Variants in MLLT6 observed in about 807,000 individuals in gnomAD.
MLLT6 encodes the protein MLLT6, PHD finger containing.
In MLLT6, 22 loss-of-function variants were observed where a neutral mutation model predicts 103.0. The observed-to-expected ratio is 0.21, with a 90% CI of 0.15 to 0.31. The LOEUF (loss-of-function observed/expected upper bound fraction) is 0.31. Among genes scored for constraint, MLLT6 ranks in the 10% least tolerant of loss-of-function variants. The pLI is 1.00. For synonymous variants in MLLT6, 606 were observed against 623.5 expected (o/e 0.97, Z 0.42); for missense variants, 1,199 against 1,441.7 (o/e 0.83, Z 2.73).
chr17:38,713,484 C>T (rs995972312), intron 8 of MLLT6: 4 of 180,714 alleles, frequency 2.2e-5, no homozygotes, highest in African/African-American at 4.7e-5. Context: ...ACTGCTCCCT[C>T]CTGTCACCAT....
At chr17:38,714,708 A>G (rs1245821359) in intron 8 of MLLT6, 1 of 152,410 alleles carries the variant, frequency 6.6e-6, no homozygotes, top group Non-Finnish European at 1.5e-5. Flanking sequence ...GCACCATTGC[A>G]CTCCAGCCTG....
chr17:38,720,676 T>G lies in MLLT6; in HGVS notation c.2371T>G (p.Leu791Val). ...TCCCACAGCCGGCAGCAGCGACTCCTTGAGCACCAGCAAGAGCCCTCCGGG... is the reference window on the plus strand; with the variant it reads ...TCCCACAGCCGGCAGCAGCGACTCCGTGAGCACCAGCAAGAGCCCTCCGGG... The part of the protein sequence containing the change: ...LPPQAGSSDS[L>V]STSKSPPGKS... The change falls in exon 16 of 20, where the codon TTG becomes GTG. Residue 791 changes from leucine (L) to valine (V), a missense_variant. Around this residue, in one of 7 missense-constraint regions of MLLT6, gnomAD observed 1,034 missense variants for 1,091.5 expected, o/e 0.95. Coordinates refer to ENST00000621332, the MANE Select transcript of MLLT6 (RefSeq NM_005937.4). The G allele has an allele frequency of 1.2e-6, 2 of 1,613,840 alleles. No homozygotes were observed. The highest frequency in any genetic ancestry group is 1.7e-6 in the Non-Finnish European group (2 of 1,180,020).
intron 8 of MLLT6, 124 bp downstream of exon 8, chr17:38,712,913 C>T (rs752216603): frequency 8.0e-6 from 6 of 752,786 alleles, no homozygotes; most frequent in Admixed American, 5.4e-5. Context: ...AAGTTAATGC[C>T]ACTCCCCTCC....
chr17:38,714,686 T>C (rs928608285), intron 8 of MLLT6: 5 of 152,350 alleles, frequency 3.3e-5, no homozygotes, highest in African/African-American at 1.2e-4. Flanking sequence ...AAGGTTGCAG[T>C]GAGCCGAGAT....
At chr17:38,715,562 G>T in intron 8 of MLLT6, 50 bp from the exon 9 acceptor site, 2 of 1,561,366 alleles carry the variant, frequency 1.3e-6, no homozygotes. Flanking sequence ...ATCAGGATCA[G>T]CACAGGCCCA....
rs949245320 is a variant in MLLT6 at position 38,717,489 on chromosome 17, T to C, written c.1709T>C (p.Val570Ala). 1 of 1,612,512 alleles carries C rather than the reference T, an allele frequency of 6.2e-7. No homozygotes were observed. Reference sequence around the variant, plus strand: ...CACAGTGGCGGGATGCTGCGGGCTGTCTGCAGCACCCCTCTCTCCTCCAGC... The same window carrying C: ...CACAGTGGCGGGATGCTGCGGGCTGCCTGCAGCACCCCTCTCTCCTCCAGC... The part of the protein sequence containing the change: ...ISHSGGMLRA[V>A]CSTPLSSSLL... Residue 570 changes from valine to alanine, a missense_variant, in exon 11 of 20, where the codon GTC (valine) becomes GCC (alanine). Val to Ala is a moderately conservative substitution (Grantham distance 64). Transcript: ENST00000621332.
intron 6 of MLLT6, 55 bp from the exon 7 acceptor site, chr17:38,711,792 G>A (rs539949215): frequency 3.1e-5 from 45 of 1,455,436 alleles, no homozygotes; most frequent in Middle Eastern, 2.5e-4. Flanking sequence ...TTCTGGAAGC[G>A]TTCCCTAAGC....
At position 38,708,121 on chromosome 17, in the gene MLLT6, A is replaced by G; in HGVS notation, c.354+249A>G. On this transcript the variant is annotated intron_variant, in intron 4 of 19. Transcript: ENST00000621332. ...GTAGACCTTCGCAGTTACTTCATTC[A>G]TTCATTCGCTGGACACATTTTATTA... 5 of 539,242 alleles carry G rather than the reference A, an allele frequency of 9.3e-6. No homozygotes were observed. In the South Asian group the frequency reaches 1.1e-4, roughly 12 times the overall value. The allele number at this position is 539,242 out of a possible 1,614,324, so 33.4% of individuals were successfully genotyped here.
chr17:38,720,330 CG>C, intron 14 of MLLT6, 41 bp from the exon 15 acceptor site: 3 of 1,345,536 alleles, frequency 2.2e-6, no homozygotes, highest in Non-Finnish European at 3.1e-6. Flanking sequence ...GCCCCGCCTC[CG>C]CCCCCTCGCC....
rs1906144131 is a variant in MLLT6 at position 38,728,325 on chromosome 17, C to T, written c.*2727C>T. On this transcript the variant is annotated 3_prime_UTR_variant, in exon 20 of 20. Transcript: ENST00000621332. ...TCTCACCGTCTCCTAACCTCAGTCC[C>T]TTTTTTGAGAGTGAATGGTGGAGGG... is the stretch of plus-strand genomic sequence containing the variant. 1 of 233,218 alleles carries T rather than the reference C, an allele frequency of 4.3e-6. No individual in the cohort carries two copies. Among genetic ancestry groups the T allele is most frequent in the South Asian group, 1.8e-4 (1 of 5,536 alleles). The allele number at this position is 233,218 out of a possible 1,614,324, so 14.4% of individuals were successfully genotyped here.
chr17:38,707,905 T>A (rs781683432), intron 4 of MLLT6, 33 bp downstream of exon 4: 1 of 1,326,712 alleles, frequency 7.5e-7, no homozygotes, highest in Admixed American at 1.8e-5. Context: ...CCCTACCAGT[T>A]CCCTCCCATC....
At position 38,711,897 on chromosome 17, in the gene MLLT6, AG is replaced by A. The variant is rs1308438838; in HGVS notation, c.605del (p.Gly202ValfsTer107). The A allele has an allele frequency of 6.2e-7, 1 of 1,603,926 alleles. No individual in the cohort carries two copies. Among genetic ancestry groups the A allele is most frequent in the East Asian group, 2.3e-5 (1 of 44,342 alleles). ...GAGGCGGAGGAGGCGCTGGAGGAGG[AG>A]GTGGCAGCATGGGGGGAGGTGGCAG... Reference protein sequence around the residue: ...GGGGGGAGGGGGSMGGGGSGF... With the variant: ...GGGGGGAGGGXGSMGGGGSGF... On this transcript the variant is annotated frameshift_variant, in exon 7 of 20. Transcript: ENST00000621332. LOFTEE classifies it high-confidence loss of function.
chr17:38,711,242 C>G (rs1449035678), intron 6 of MLLT6, among the ~76,000 whole-genome samples: 1 of 152,100 alleles, frequency 6.6e-6, no homozygotes, highest in African/African-American at 2.4e-5. Flanking sequence ...CAGGCCCTGG[C>G]TGGGAGGAGA....
At chr17:38,720,179 C>A in intron 14 of MLLT6, 193 bp from the exon 15 acceptor site, 1 of 695,074 alleles carries the variant, frequency 1.4e-6, no homozygotes. Flanking sequence ...CAGCCTCAGG[C>A]TCCGCCCCAG....
chr17:38,720,089 T>C (rs1905620767), intron 14 of MLLT6, among the ~76,000 whole-genome samples, 194 bp downstream of exon 14: 1 of 152,068 alleles, frequency 6.6e-6, no homozygotes, highest in Admixed American at 6.5e-5. Context: ...GCCCCACCTT[T>C]GGCCTTCGTG....
chr17:38,709,472 C>G lies in MLLT6; in HGVS notation c.459-10C>G. The G allele has an allele frequency of 6.2e-7, 1 of 1,613,000 alleles. No individual in the cohort carries two copies. Among genetic ancestry groups the G allele is most frequent in the East Asian group, 2.2e-5 (1 of 44,882 alleles). On this transcript the variant is annotated splice_polypyrimidine_tract_variant and intron_variant, in intron 5 of 19. Coordinates refer to ENST00000621332, the MANE Select transcript of MLLT6 (RefSeq NM_005937.4). The surrounding 1 kb of genome is among the most constrained non-coding windows in gnomAD (Gnocchi z 4.3). Reference sequence around the variant, plus strand: ...GGCCTCAGCCGTCTCAGGCTGCCTTCTCTGGTTAGTGCCCAAATGGCAGGC... The same window carrying G: ...GGCCTCAGCCGTCTCAGGCTGCCTTGTCTGGTTAGTGCCCAAATGGCAGGC...
chr17:38,707,081 G>GA, intron 2 of MLLT6, 52 bp downstream of exon 2: 3 of 1,521,512 alleles, frequency 2.0e-6, no homozygotes, highest in Non-Finnish European at 2.7e-6. Context: ...ACACACCTGA[G>GA]CGTCTCAGGT....
In MLLT6 at chr17:38,729,397, C is replaced by G; in HGVS notation, c.*3799C>G. On this transcript the variant is annotated 3_prime_UTR_variant, in exon 20 of 20. Coordinates refer to ENST00000621332, the MANE Select transcript of MLLT6 (RefSeq NM_005937.4). ...TGTGTCTAGCTCCCGACCACTTTGT[C>G]TTGACCTACTGAAAAGTTGGGAACT... The G allele has an allele frequency of 4.3e-6, 1 of 233,570 alleles. No individual in the cohort carries two copies. Among genetic ancestry groups the G allele is most frequent in the Non-Finnish European group, 8.5e-6 (1 of 118,058 alleles). 14.5% of individuals were successfully genotyped at this position (233,570 alleles called of 1,614,324 possible).
rs1405816231 is a variant in MLLT6, at chr17:38,725,690, C to A, written c.*92C>A. ...CTGGAGCAGGCGCCTGCGCCCAGAC[C>A]CTGGAGAGCCTTGACCCAGAGCCTG... On this transcript the variant is annotated 3_prime_UTR_variant, in exon 20 of 20. Transcript: ENST00000621332. The A allele has an allele frequency of 7.2e-6, 8 of 1,114,200 alleles. No individual in the cohort carries two copies. Among genetic ancestry groups the A allele is most frequent in the Non-Finnish European group, 8.9e-6 (7 of 782,918 alleles). The allele number at this position is 1,114,200 out of a possible 1,614,324, so 69.0% of individuals were successfully genotyped here. A position where few individuals can be genotyped will look rare whatever the true frequency, so the allele number is the denominator to read the frequency against.
Sources: allele counts gnomAD v4.1 joint callset (sites outside exome capture counted in the v4.1 genomes callset), GRCh38; gene constraint gnomAD v4.1.1; regional missense constraint gnomAD v4.1.1; non-coding constraint Gnocchi (gnomAD v3.1); transcripts MANE v1.5; gene names NCBI Gene and HGNC (gene_info 2026-07-23, HGNC 2026-07-21).